BACH2: variants seen among roughly 807,000 people sequenced by gnomAD.
BACH2 encodes the protein transcription regulator protein BACH2.
BACH2 carries 5 observed loss-of-function variants against 61.8 expected under a neutral mutation model. The ratio of observed to expected loss-of-function variants is 0.08; its 90% CI spans 0.04 to 0.17. The LOEUF is 0.17. Ranked by LOEUF, BACH2 falls within the 10% of genes least tolerant of loss-of-function variation. The pLI is 1.00. For synonymous variants in BACH2, 446 were observed against 440.1 expected (o/e 1.01, Z -0.17); for missense variants, 824 against 1,091.1 (o/e 0.76, Z 3.45).
At chr6:89,957,591 T>A (rs1051437972) in intron 6 of BACH2, among the ~76,000 whole-genome samples, 25 of 152,150 alleles carry the variant, frequency 1.6e-4, no homozygotes, top group African/African-American at 5.8e-4. Context: ...CAGGCTGGAG[T>A]GCAGTGGCAT....
In BACH2 at chr6:89,951,698, A is replaced by T; in HGVS notation, c.408T>A (p.Ser136Arg). Residue 136 changes from serine (S) to arginine (R), a missense_variant, in exon 7 of 9, where the codon AGT becomes AGA. Coordinates refer to ENST00000257749, the MANE Select transcript of BACH2 (RefSeq NM_021813.4). The surrounding 1 kb of genome is among the most constrained non-coding windows in gnomAD (Gnocchi z 6.4). ...FSFLQTQLLNSEDGLFVCRKD... is the reference protein window; with the variant it reads ...FSFLQTQLLNREDGLFVCRKD... ...TCCGGCACACAAACAGGCCATCCTC[A>T]CTGTTCAGGAGCTGGGTCTGCAGGA... 1 of 1,614,102 alleles carries T rather than the reference A, an allele frequency of 6.2e-7. No individual in the cohort carries two copies. The highest frequency in any genetic ancestry group is 1.6e-4 in the Middle Eastern group (1 of 6,062).
At chr6:90,097,742 C>T (rs77446718) in intron 4 of BACH2, among the ~76,000 whole-genome samples, 11 of 152,256 alleles carry the variant, frequency 7.2e-5, no homozygotes, top group East Asian at 5.8e-4. Context: ...ACATTTGTTT[C>T]GTTGTACAGC....
In BACH2 at chr6:89,951,150, G is replaced by T; in HGVS notation, c.956C>A (p.Thr319Asn). 1 of 1,612,872 alleles carries T rather than the reference G, an allele frequency of 6.2e-7. No homozygotes were observed. The highest frequency in any genetic ancestry group is 1.1e-5 in the South Asian group (1 of 90,928). Residue 319 changes from threonine to asparagine, a missense_variant, in exon 7 of 9, where the codon ACC becomes AAC. This residue lies in a region of BACH2 where 226 missense variants were observed against 228.5 expected (regional missense o/e 0.99). Coordinates refer to ENST00000257749, the MANE Select transcript of BACH2 (RefSeq NM_021813.4). The surrounding 1 kb of genome is among the most constrained non-coding windows in gnomAD (Gnocchi z 6.4). ...MDRKQPSPAPTPTAPAGAACL... is the reference protein window; with the variant it reads ...MDRKQPSPAPNPTAPAGAACL... The stretch of plus-strand genomic sequence containing the variant: ...GGCGGCCCCAGCTGGGGCCGTGGGG[G>T]TAGGGGCAGGGCTGGGCTGTTTCCG...
At chr6:90,141,424 G>T (rs138121067) in intron 4 of BACH2, among the ~76,000 whole-genome samples, 1,853 of 150,782 alleles carry the variant, frequency 0.012, 33 homozygotes, top group African/African-American at 0.042. Context: ...CAAGTGATCC[G>T]CCTGCCTCGG....
intron 5 of BACH2, among the ~76,000 whole-genome samples, chr6:90,077,496 T>G (rs1253196578): frequency 1.3e-5 from 2 of 152,098 alleles, no homozygotes; most frequent in African/African-American, 4.8e-5. Context: ...CCTGGCAGAG[T>G]TGACCTGAGA....
rs117721419 is a variant in BACH2 at position 90,037,498 on chromosome 6, C to T, written c.-12-28642G>A. Among the ~76,000 whole-genome samples, 793 of 152,238 alleles carry T rather than the reference C, an allele frequency of 5.2e-3. 50 individuals carry two copies. In the East Asian group the frequency reaches 0.14, roughly 26 times the overall value. On this transcript the variant is annotated intron_variant, in intron 5 of 8. Transcript: ENST00000257749. ...CAGTGTGGATTAGGCCCTCATTTTC[C>T]AGCAGCTGAATTATTGTCAAGGTGC...
At chr6:90,070,454 G>A (rs1781171225) in intron 5 of BACH2, among the ~76,000 whole-genome samples, 1 of 152,070 alleles carries the variant, frequency 6.6e-6, no homozygotes, top group South Asian at 2.1e-4. Context: ...GTAGCCTGTG[G>A]CCAGATGAGT....
rs117818803 is a variant in BACH2 at position 89,975,388 on chromosome 6, T to C, written c.244-23526A>G. 9.5e-3 allele frequency among the ~76,000 whole-genome samples: 1,442 copies of C among 152,358 alleles called. 15 individuals carry two copies. Among genetic ancestry groups the C allele is most frequent in the East Asian group, 0.028 (146 of 5,192 alleles). The stretch of plus-strand genomic sequence containing the variant: ...TAGATAGACTTTAACAATTTCATTT[T>C]TTTCTTTGTCTTTTTCCATTTTCTC... On this transcript the variant is annotated intron_variant, in intron 6 of 8. Transcript: ENST00000257749.
intron 6 of BACH2, among the ~76,000 whole-genome samples, chr6:89,963,379 A>G (rs210054): frequency 0.2 from 30,930 of 152,104 alleles, 3,394 homozygotes; most frequent in African/African-American, 0.28. Flanking sequence ...CTGCAGGCTC[A>G]ACTTCCCAGG....
chr6:90,188,216 G>A (rs892920543), intron 4 of BACH2, among the ~76,000 whole-genome samples: 3 of 152,168 alleles, frequency 2.0e-5, no homozygotes, highest in African/African-American at 7.2e-5. Context: ...AAAATGTAAA[G>A]TTTAATTATC....
intron 6 of BACH2, among the ~76,000 whole-genome samples, chr6:89,984,897 A>G (rs966921593): frequency 7.9e-5 from 12 of 152,206 alleles, no homozygotes; most frequent in Non-Finnish European, 1.6e-4. Context: ...AAACACAATT[A>G]TTTTGAAAAA....
In BACH2 at chr6:90,280,705, C is replaced by T. The variant is rs570006351; in HGVS notation, c.-445-8764G>A. Among the ~76,000 whole-genome samples the T allele has an allele frequency of 5.9e-5, 9 of 152,232 alleles. No homozygotes were observed. In the South Asian group the frequency reaches 8.3e-4, roughly 14 times the overall value. ...ATTTCTAACAAGCTCCAGGTGATGC[C>T]GATGCTGCTGGTCCAGGGACCAGGC... On this transcript the variant is annotated intron_variant, in intron 1 of 8. Transcript: ENST00000257749.
chr6:89,937,496 C>G (rs1169564821), intron 8 of BACH2, among the ~76,000 whole-genome samples: 2 of 152,134 alleles, frequency 1.3e-5, no homozygotes, highest in African/African-American at 4.8e-5. Flanking sequence ...TAGAAGAATA[C>G]CTGGACCATA....
intron 4 of BACH2, among the ~76,000 whole-genome samples, chr6:90,189,258 C>A (rs1356775052): frequency 6.6e-6 from 1 of 152,094 alleles, no homozygotes; most frequent in Non-Finnish European, 1.5e-5. Flanking sequence ...ACTAGGATTT[C>A]CTGGAGAGTA....
chr6:90,182,547 C>T (rs2127841601), intron 4 of BACH2, among the ~76,000 whole-genome samples: 1 of 152,280 alleles, frequency 6.6e-6, no homozygotes. Flanking sequence ...CACTGGAGAC[C>T]TCATGAGTAT....
At chr6:90,054,863 G>A (rs1453115675) in intron 5 of BACH2, among the ~76,000 whole-genome samples, 1 of 152,166 alleles carries the variant, frequency 6.6e-6, no homozygotes, top group Non-Finnish European at 1.5e-5. Context: ...AGGCAAACAA[G>A]GTCTGGAGTG....
chr6:89,932,132 T>C lies in BACH2; in HGVS notation c.*276A>G, dbSNP rs17765013. 26,723 of 345,026 alleles carry C rather than the reference T, an allele frequency of 0.077. 1,418 individuals carry two copies. The highest frequency in any genetic ancestry group is 0.11 in the Non-Finnish European group (19,800 of 186,994). The allele number at this position is 345,026 out of a possible 1,614,324, so 21.4% of individuals were successfully genotyped here. On this transcript the variant is annotated 3_prime_UTR_variant, in exon 9 of 9. Coordinates refer to ENST00000257749, the MANE Select transcript of BACH2 (RefSeq NM_021813.4). ...GTTGGGGCCTAGAGGTGTTGTAGTCTATCCCTGTGAAGACTGAAATTGAGC... is the reference window on the plus strand; with the variant it reads ...GTTGGGGCCTAGAGGTGTTGTAGTCCATCCCTGTGAAGACTGAAATTGAGC...
chr6:90,056,530 T>A (rs1244629566), intron 5 of BACH2, among the ~76,000 whole-genome samples: 1 of 151,964 alleles, frequency 6.6e-6, no homozygotes, highest in African/African-American at 2.4e-5. Context: ...ATGGGAGACT[T>A]TAACATCCCA....
At position 90,053,528 on chromosome 6, in the gene BACH2, C is replaced by T. The variant is rs76707175; in HGVS notation, c.-13+35433G>A. On this transcript the variant is annotated intron_variant, in intron 5 of 8. Coordinates refer to ENST00000257749, the MANE Select transcript of BACH2 (RefSeq NM_021813.4). ...AACTGGCCTCAAGCAATCTTCCTGGCTTGACCTCCCAAAATGCTGGGATTA... is the reference window on the plus strand; with the variant it reads ...AACTGGCCTCAAGCAATCTTCCTGGTTTGACCTCCCAAAATGCTGGGATTA... Among the ~76,000 whole-genome samples the T allele has an allele frequency of 6.0e-3, 909 of 152,228 alleles. 53 individuals are homozygous for T. The East Asian group carries it at 0.14, about 23-fold the overall frequency.
Sources: gnomAD v4.1 joint callset for allele counts (sites outside exome capture counted in the v4.1 genomes callset) on GRCh38, gnomAD v4.1.1 for gene constraint, gnomAD v4.1.1 regional missense constraint, Gnocchi (gnomAD v3.1) non-coding constraint, MANE v1.5 for transcripts, NCBI Gene and HGNC (gene_info 2026-07-23, HGNC 2026-07-21) for gene names.